NARS2: variants seen among roughly 807,000 people sequenced by gnomAD.
NARS2 encodes the protein asparaginyl-tRNA synthetase.
Under a neutral mutation model 62.9 loss-of-function variants are expected in NARS2, and 60 were observed. The observed-to-expected ratio is 0.95, with a 90% confidence interval of 0.77 to 1.18. The LOEUF is 1.18. NARS2 is among the 50% of genes most tolerant of loss of function. The pLI, the probability that NARS2 is intolerant of heterozygous loss-of-function variation, is 0.00. For missense variants in NARS2, 619 were observed against 576.4 expected, an observed-to-expected ratio of 1.07 and a Z score of -0.76; for synonymous variants, 196 against 200.0, an observed-to-expected ratio of 0.98 and a Z score of 0.17.
chr11:78,530,935 C>G (rs1380472876), intron 5 of NARS2, among the ~76,000 whole-genome samples: 2 of 152,128 alleles, frequency 1.3e-5, no homozygotes, highest in African/African-American at 4.8e-5. Flanking sequence ...CTATAAATTA[C>G]TTTTCTTTTA....
chr11:78,464,873 C>A (rs946565027), intron 11 of NARS2, among the ~76,000 whole-genome samples: 1 of 152,236 alleles, frequency 6.6e-6, no homozygotes, highest in African/African-American at 2.4e-5. Context: ...AGGTTCTCCA[C>A]GTCCCCACCA....
chr11:78,463,795 G>A (rs1858496787), intron 11 of NARS2, among the ~76,000 whole-genome samples: 1 of 148,552 alleles, frequency 6.7e-6, no homozygotes, highest in Non-Finnish European at 1.5e-5. Flanking sequence ...ACAGAGAAGA[G>A]ACGGTCAGAC....
At chr11:78,466,250 T>G (rs1450267399) in intron 10 of NARS2, among the ~76,000 whole-genome samples, 2 of 151,760 alleles carry the variant, frequency 1.3e-5, no homozygotes, top group Admixed American at 1.3e-4. Context: ...ATGCTTACTG[T>G]GTCCCCATTG....
intron 6 of NARS2, among the ~76,000 whole-genome samples, chr11:78,500,934 A>G (rs1262586106): frequency 6.6e-6 from 1 of 152,168 alleles, no homozygotes; most frequent in Non-Finnish European, 1.5e-5. Flanking sequence ...TCTACAAAAA[A>G]TACAAAAATT....
chr11:78,471,556 T>C (rs1036800220), intron 9 of NARS2, among the ~76,000 whole-genome samples: 12 of 152,190 alleles, frequency 7.9e-5, no homozygotes, highest in African/African-American at 2.7e-4. Flanking sequence ...TATTATACTT[T>C]AAGTTTTAGG....
At chr11:78,440,276 C>T (rs1857535988) in intron 13 of NARS2, among the ~76,000 whole-genome samples, 1 of 152,058 alleles carries the variant, frequency 6.6e-6, no homozygotes, top group African/African-American at 2.4e-5. Flanking sequence ...GTTGGCCAGG[C>T]TCATCTGGAA....
intron 6 of NARS2, among the ~76,000 whole-genome samples, chr11:78,499,212 G>C (rs890636987): frequency 2.0e-5 from 3 of 151,918 alleles, no homozygotes; most frequent in Non-Finnish European, 4.4e-5. Flanking sequence ...CACCGCGCCC[G>C]GCCCATCCTC....
At chr11:78,481,120 C>T (rs956325956) in intron 7 of NARS2, among the ~76,000 whole-genome samples, 1 of 142,190 alleles carries the variant, frequency 7.0e-6, no homozygotes, top group African/African-American at 3.1e-5. Flanking sequence ...CACACCTGGC[C>T]TAACTTTTTA....
At chr11:78,446,440 G>C (rs1426456354) in intron 11 of NARS2, among the ~76,000 whole-genome samples, 7 of 152,086 alleles carry the variant, frequency 4.6e-5, no homozygotes, top group African/African-American at 1.7e-4. Flanking sequence ...GAGGAAGTCT[G>C]GTATCTTTAT....
intron 9 of NARS2, among the ~76,000 whole-genome samples, chr11:78,476,159 C>G (rs916306419): frequency 6.6e-6 from 1 of 152,210 alleles, no homozygotes; most frequent in Non-Finnish European, 1.5e-5. Flanking sequence ...CAGCAACCAG[C>G]TAGGCTTTGT....
intron 9 of NARS2, among the ~76,000 whole-genome samples, chr11:78,471,179 C>T (rs1477811713): frequency 1.3e-5 from 2 of 152,020 alleles, no homozygotes; most frequent in African/African-American, 4.8e-5. Flanking sequence ...GCAGTAATAA[C>T]GATTTTAAAA....
chr11:78,468,323 A>AAAAAAAC (rs1858717757), intron 10 of NARS2, among the ~76,000 whole-genome samples: 1 of 149,244 alleles, frequency 6.7e-6, no homozygotes, highest in Non-Finnish European at 1.5e-5. Flanking sequence ...AAAAAAAAAA[A>AAAAAAAC]AAAAAGAAAA....
chr11:78,563,849 A>ATAT (rs1250561530), intron 4 of NARS2, among the ~76,000 whole-genome samples: 8 of 54,660 alleles, frequency 1.5e-4, no homozygotes, highest in African/African-American at 4.4e-4. Flanking sequence ...AAAAAAAAAA[A>ATAT]AAATATATAT....
At chr11:78,531,471 T>C (rs1186066433) in intron 5 of NARS2, among the ~76,000 whole-genome samples, 1 of 152,156 alleles carries the variant, frequency 6.6e-6, no homozygotes, top group Non-Finnish European at 1.5e-5. Flanking sequence ...AAGTTAAAAT[T>C]GAGTTACTAA....
chr11:78,442,918 A>C (rs941088616), intron 12 of NARS2, among the ~76,000 whole-genome samples: 1 of 152,224 alleles, frequency 6.6e-6, no homozygotes, highest in Non-Finnish European at 1.5e-5. Context: ...CTATCTGACT[A>C]GTTTTCTTTC....
At chr11:78,462,870 T>C (rs544855779) in intron 11 of NARS2, among the ~76,000 whole-genome samples, 3 of 147,686 alleles carry the variant, frequency 2.0e-5, no homozygotes, top group East Asian at 1.9e-4. Flanking sequence ...TGGGCCCTAA[T>C]CTACATTTTT....
At chr11:78,448,189 A>G (rs1857830380) in intron 11 of NARS2, among the ~76,000 whole-genome samples, 2 of 152,180 alleles carry the variant, frequency 1.3e-5, no homozygotes. Context: ...CTTATTATAT[A>G]TATGAAACAA....
chr11:78,566,145 T>A lies in NARS2; in HGVS notation c.500A>T (p.His167Leu). The change falls in exon 4 of 14, where the codon CAT becomes CTT. Residue 167 changes from histidine to leucine, a missense_variant. Transcript: ENST00000281038. ...TTAGGATCTTACCTTAAAGAAAGAA[T>A]GAATAGCAGCTGTCGCTTCACTGCG... ...RIRSEATAAI[H>L]SFFKDSGFVH... 1 of 1,607,176 alleles carries A rather than the reference T, an allele frequency of 6.2e-7. No individual in the cohort carries two copies.
chr11:78,525,070 T>C (rs1365312966), intron 6 of NARS2, among the ~76,000 whole-genome samples: 2 of 152,148 alleles, frequency 1.3e-5, no homozygotes, highest in Non-Finnish European at 2.9e-5. Context: ...TGATTCCAAC[T>C]ACGTGACATT....
Sources: allele counts gnomAD v4.1 joint callset (sites outside exome capture counted in the v4.1 genomes callset), GRCh38; gene constraint gnomAD v4.1.1; transcripts MANE v1.5; gene names NCBI Gene and HGNC (gene_info 2026-07-23, HGNC 2026-07-21).